The following SPAG1 variants were observed in gnomAD, a reference collection of about 807,000 sequenced individuals.
SPAG1 encodes the protein sperm-associated antigen 1.
A neutral mutation model predicts 100.5 loss-of-function variants in SPAG1; 69 were observed. That is an observed-to-expected ratio of 0.69 (90% CI 0.57 to 0.84). The LOEUF (loss-of-function observed/expected upper bound fraction) is 0.84. SPAG1 is among the 40% of genes least tolerant of loss of function. The pLI, the probability that SPAG1 is intolerant of heterozygous loss-of-function variation, is 0.00. For synonymous variants in SPAG1, 336 were observed against 411.6 expected, an observed-to-expected ratio of 0.82 and a Z score of 2.22; for missense variants, 955 against 1,133.1, an observed-to-expected ratio of 0.84 and a Z score of 2.26.
At chr8:100,172,090 C>T (rs1471624960) in intron 3 of SPAG1, among the ~76,000 whole-genome samples, 1 of 151,836 alleles carries the variant, frequency 6.6e-6, no homozygotes, top group African/African-American at 2.4e-5. Context: ...TAATGTGTTT[C>T]TCATTGTTTT....
chr8:100,165,896 T>C lies in SPAG1; in HGVS notation c.223T>C (p.Leu75=). The change falls in exon 3 of 19, where the codon TTG becomes CTG. Residue 75 remains leucine (L), a synonymous_variant. Coordinates refer to ENST00000388798, the MANE Select transcript of SPAG1 (RefSeq NM_003114.5). The part of the protein sequence containing the change: ...LQALAPESRA[L]RKDKPAATAA... ...AGCCTTGGCCCCTGAAAGCAGAGCTTTGAGGAAAGATAAACCAGCAGCAAC... is the reference window on the plus strand; with the variant it reads ...AGCCTTGGCCCCTGAAAGCAGAGCTCTGAGGAAAGATAAACCAGCAGCAAC... The C allele has an allele frequency of 1.2e-6, 2 of 1,614,140 alleles. No individual in the cohort carries two copies. Among genetic ancestry groups the C allele is most frequent in the Non-Finnish European group, 1.7e-6 (2 of 1,179,996 alleles).
chr8:100,204,837 C>A (rs1485147139), intron 10 of SPAG1, among the ~76,000 whole-genome samples: 1 of 152,134 alleles, frequency 6.6e-6, no homozygotes, highest in African/African-American at 2.4e-5. Context: ...AGTCACTCAC[C>A]TACAAAATTT....
At chr8:100,178,242 G>A (rs1343660058) in intron 4 of SPAG1, among the ~76,000 whole-genome samples, 3 of 151,146 alleles carry the variant, frequency 2.0e-5, no homozygotes, top group Non-Finnish European at 4.4e-5. Context: ...GTTTTGATGA[G>A]AGCAAAAGGT....
chr8:100,233,346 G>T, intron 15 of SPAG1, 65 bp from the exon 16 acceptor site: 3 of 1,577,590 alleles, frequency 1.9e-6, no homozygotes, highest in Non-Finnish European at 2.6e-6. Context: ...TTTCTTAGCT[G>T]TCTAAAACTT....
intron 4 of SPAG1, among the ~76,000 whole-genome samples, chr8:100,179,938 A>C (rs1412043605): frequency 6.6e-6 from 1 of 152,210 alleles, no homozygotes; most frequent in Non-Finnish European, 1.5e-5. Context: ...GGATTTTGGC[A>C]AAAATTTTGT....
Position 100,240,826 on chromosome 8 carries a change from C to G in SPAG1, c.2649+55C>G, listed in dbSNP as rs538105107. On this transcript the variant is annotated intron_variant, in intron 18 of 18. Transcript: ENST00000388798. ...ATTGGTTTTATTAGGGTTTCTGTAA[C>G]TTAAAAATGTTACTTATGCTAACAT... is the stretch of plus-strand genomic sequence containing the variant. 3 of 1,548,096 alleles carry G rather than the reference C, an allele frequency of 1.9e-6. No individual in the cohort carries two copies. In the East Asian group the frequency reaches 6.8e-5, roughly 35 times the overall value.
At chr8:100,207,509 C>T (rs1330846571) in intron 10 of SPAG1, among the ~76,000 whole-genome samples, 1 of 152,186 alleles carries the variant, frequency 6.6e-6, no homozygotes, top group Non-Finnish European at 1.5e-5. Flanking sequence ...CCCTGAAGGA[C>T]AGCAGTGAAG....
At chr8:100,168,978 C>T (rs920060971) in intron 3 of SPAG1, among the ~76,000 whole-genome samples, 7 of 151,800 alleles carry the variant, frequency 4.6e-5, no homozygotes, top group African/African-American at 1.2e-4. Flanking sequence ...TGAGCCACCA[C>T]GCCCGGCCTC....
intron 15 of SPAG1, 108 bp from the exon 16 acceptor site, chr8:100,233,303 A>G (rs1818860538): frequency 1.6e-6 from 2 of 1,222,876 alleles, no homozygotes; most frequent in African/African-American, 3.0e-5. Context: ...CCGCAGTGGT[A>G]TAGCAACAGA....
intron 1 of SPAG1, 165 bp downstream of exon 1, chr8:100,158,781 T>G (rs1215722515): frequency 6.6e-6 from 1 of 151,958 alleles, no homozygotes; most frequent in Non-Finnish European, 1.5e-5. Flanking sequence ...GAACTTGAGA[T>G]GGACATTCAG....
chr8:100,161,214 C>T (rs56140726), intron 1 of SPAG1, among the ~76,000 whole-genome samples: 10,388 of 152,076 alleles, frequency 0.068, 513 homozygotes, highest in Non-Finnish European at 0.1. Flanking sequence ...AGTGGTGGCA[C>T]GTGCCTGTAG....
intron 13 of SPAG1, among the ~76,000 whole-genome samples, chr8:100,221,768 A>G (rs1190728467): frequency 6.6e-6 from 1 of 152,226 alleles, no homozygotes; most frequent in Admixed American, 6.5e-5. Context: ...GCTTTGAAGG[A>G]TGCTGAGAGA....
chr8:100,214,538 C>T (rs999815276), intron 12 of SPAG1, among the ~76,000 whole-genome samples: 1 of 152,184 alleles, frequency 6.6e-6, no homozygotes, highest in Non-Finnish European at 1.5e-5. Context: ...CACTGACACT[C>T]GGTCACACCT....
intron 12 of SPAG1, among the ~76,000 whole-genome samples, chr8:100,217,751 T>C (rs1818070799): frequency 6.6e-6 from 1 of 152,166 alleles, no homozygotes; most frequent in Non-Finnish European, 1.5e-5. Context: ...AAATGAATGT[T>C]GCCTAGTAAT....
intron 3 of SPAG1, among the ~76,000 whole-genome samples, chr8:100,168,911 T>G (rs534567179): frequency 6.6e-6 from 1 of 151,848 alleles, no homozygotes; most frequent in African/African-American, 2.4e-5. Context: ...GGTCTCGAAC[T>G]CCCAACCTCA....
At chr8:100,213,986 A>AG in intron 12 of SPAG1, 68 bp downstream of exon 12, 1 of 890,744 alleles carries the variant, frequency 1.1e-6, no homozygotes, top group African/African-American at 1.7e-5. Context: ...GCAATATCCA[A>AG]GATCCTAAAT....
At chr8:100,237,362 T>C (rs960665430) in intron 16 of SPAG1, among the ~76,000 whole-genome samples, 1 of 152,066 alleles carries the variant, frequency 6.6e-6, no homozygotes, top group Non-Finnish European at 1.5e-5. Context: ...ACACACTTTC[T>C]ATGAGCTCTG....
intron 14 of SPAG1, among the ~76,000 whole-genome samples, chr8:100,228,121 G>C (rs1278655542): frequency 1.3e-5 from 2 of 152,218 alleles, no homozygotes; most frequent in Admixed American, 1.3e-4. Flanking sequence ...TGGGCTAACA[G>C]GTGTGAGTAG....
At chr8:100,223,792 C>A (rs1818384417) in intron 13 of SPAG1, among the ~76,000 whole-genome samples, 1 of 151,622 alleles carries the variant, frequency 6.6e-6, no homozygotes, top group Non-Finnish European at 1.5e-5. Flanking sequence ...TTTTCTGAAA[C>A]TTCTTTTTCT....
Sources: gnomAD v4.1 joint callset for allele counts (sites outside exome capture counted in the v4.1 genomes callset) on GRCh38, gnomAD v4.1.1 for gene constraint, MANE v1.5 for transcripts, NCBI Gene and HGNC (gene_info 2026-07-23, HGNC 2026-07-21) for gene names.